Variants in FSD1L observed in about 807,000 individuals in gnomAD.
FSD1L encodes the protein fibronectin type III and SPRY domain containing 1 like, also known as FSD1-like protein.
In FSD1L, 45 loss-of-function variants were observed where a neutral mutation model predicts 71.6. The ratio of observed to expected loss-of-function variants is 0.63; its 90% CI spans 0.49 to 0.81. The LOEUF (loss-of-function observed/expected upper bound fraction) is 0.81. Among genes scored for constraint, FSD1L ranks in the 30% least tolerant of loss-of-function variants. The pLI is 0.00. For synonymous variants in FSD1L, 197 were observed against 207.2 expected, an observed-to-expected ratio of 0.95 and a Z score of 0.42; for missense variants, 561 against 618.1, an observed-to-expected ratio of 0.91 and a Z score of 0.98.
intron 7 of FSD1L, among the ~76,000 whole-genome samples, chr9:105,496,012 C>T (rs1306873894): frequency 1.3e-5 from 2 of 151,260 alleles, no homozygotes; most frequent in Non-Finnish European, 2.9e-5. Context: ...TAGTCCTTAT[C>T]AGATGTTTCT....
Position 105,448,186 on chromosome 9 carries a change from C to T in FSD1L, c.-35C>T. On this transcript the variant is annotated 5_prime_UTR_variant, in exon 1 of 14. Transcript: ENST00000481272. ...TGAGCCTCCTCACACGGTTCGTCGT[C>T]TCGGGTTCGAGCCCAGTGGGCTTAG... is the stretch of plus-strand genomic sequence containing the variant. The T allele has an allele frequency of 6.5e-7, 1 of 1,542,280 alleles. No individual in the cohort carries two copies.
chr9:105,538,693 T>G (rs1165682208), intron 12 of FSD1L, among the ~76,000 whole-genome samples: 3 of 152,100 alleles, frequency 2.0e-5, no homozygotes, highest in Non-Finnish European at 4.4e-5. Context: ...TCCTAGCACT[T>G]TGGGAGACTG....
chr9:105,499,182 A>G (rs1833615882), intron 7 of FSD1L, among the ~76,000 whole-genome samples: 1 of 152,188 alleles, frequency 6.6e-6, no homozygotes. Context: ...GAGTTCAACC[A>G]TGTACTTAGT....
rs140099704 is a variant in FSD1L at position 105,486,952 on chromosome 9, A to T, written c.586+2450A>T. On this transcript the variant is annotated intron_variant, in intron 7 of 13. Transcript: ENST00000481272. ...TGTAAAAGTGTCATCATATAGACAG[A>T]ATCATGTAATTGGTAATTTTTGGCG... Among the ~76,000 whole-genome samples, 374 of 152,310 alleles carry T rather than the reference A, an allele frequency of 2.5e-3. 3 individuals are homozygous for T. The highest frequency in any genetic ancestry group is 8.6e-3 in the African/African-American group (358 of 41,584).
At chr9:105,524,488 A>G (rs1835380479) in intron 10 of FSD1L, 2 of 1,613,684 alleles carry the variant, frequency 1.2e-6, no homozygotes, top group Non-Finnish European at 1.7e-6. Context: ...CAACCATTTC[A>G]TGCTACGGGA....
chr9:105,459,075 C>G (rs956617250), intron 1 of FSD1L, among the ~76,000 whole-genome samples: 5 of 152,190 alleles, frequency 3.3e-5, no homozygotes, highest in Non-Finnish European at 5.9e-5. Context: ...GGATTTGATG[C>G]CTGTTCAGCC....
upstream of FSD1L, chr9:105,447,878 AG>A (rs2131544935): frequency 2.4e-6 from 1 of 421,270 alleles, no homozygotes; most frequent in Admixed American, 4.7e-5. Context: ...CTATCGCTGG[AG>A]GAAAAAGGAT....
chr9:105,444,913 T>C (rs960651759), upstream of FSD1L, among the ~76,000 whole-genome samples: 1 of 152,224 alleles, frequency 6.6e-6, no homozygotes, highest in Non-Finnish European at 1.5e-5. Context: ...CCTGATTCAG[T>C]AGATCCAGGG....
intron 10 of FSD1L, chr9:105,513,688 A>T (rs1834531957): frequency 1.4e-5 from 19 of 1,353,094 alleles, no homozygotes; most frequent in Non-Finnish European, 1.8e-5. Flanking sequence ...TTGGCTGATT[A>T]AAAAAACTTT....
chr9:105,492,411 AG>A (rs1371245420), intron 7 of FSD1L, among the ~76,000 whole-genome samples: 1 of 152,058 alleles, frequency 6.6e-6, no homozygotes, highest in East Asian at 1.9e-4. Context: ...TAGTCTTGCT[AG>A]GAGTCTATCA....
intron 4 of FSD1L, among the ~76,000 whole-genome samples, chr9:105,470,171 G>C (rs1426274092): frequency 3.3e-5 from 5 of 151,998 alleles, no homozygotes. Context: ...AGTTTTGTAA[G>C]GTATTTTGAA....
At chr9:105,498,190 T>TTATTATTATTATTA (rs1554708757) in intron 7 of FSD1L, among the ~76,000 whole-genome samples, 16 of 143,436 alleles carry the variant, frequency 1.1e-4, no homozygotes, top group African/African-American at 4.1e-4. Flanking sequence ...TTGCTTTGGC[T>TTATTATTATTATTA]TTATTATTAT....
chr9:105,524,238 A>G, intron 10 of FSD1L: 2 of 1,612,290 alleles, frequency 1.2e-6, no homozygotes, highest in East Asian at 2.2e-5. Context: ...AAAGTTTACT[A>G]ATAAAACAGT....
chr9:105,464,227 TAATTC>T lies in FSD1L; in HGVS notation c.112-8_112-4del. 4 of 1,404,030 alleles carry T rather than the reference TAATTC, an allele frequency of 2.8e-6. No individual in the cohort carries two copies. The highest frequency in any genetic ancestry group is 3.9e-6 in the Non-Finnish European group (4 of 1,032,106). 87.0% of individuals were successfully genotyped at this position (1,404,030 alleles called of 1,614,324 possible). A position where few individuals can be genotyped will look rare whatever the true frequency, so the allele number is the denominator to read the frequency against. On this transcript the variant is annotated splice_region_variant and splice_polypyrimidine_tract_variant and intron_variant, in intron 2 of 13. Coordinates refer to ENST00000481272, the MANE Select transcript of FSD1L (RefSeq NM_001145313.3). ...AAATATAGTATTTTAATGCTTTTCT[TAATTC>T]TAGGAAGCTCTACAGAGGATCATTT...
upstream of FSD1L, among the ~76,000 whole-genome samples, chr9:105,443,223 C>T (rs761252827): frequency 5.3e-5 from 8 of 152,150 alleles, no homozygotes; most frequent in Admixed American, 1.3e-4. Context: ...TAATTTATAA[C>T]GAAAAAGAGG....
In FSD1L at chr9:105,546,510, C is replaced by A. The variant is rs557531644; in HGVS notation, c.*27C>A. 1.3e-6 allele frequency: 2 copies of A among 1,500,694 alleles called. No homozygotes were observed. 93.0% of individuals were successfully genotyped at this position (1,500,694 alleles called of 1,614,324 possible). A position where few individuals can be genotyped will look rare whatever the true frequency, so the allele number is the denominator to read the frequency against. On this transcript the variant is annotated 3_prime_UTR_variant, in exon 14 of 14. Coordinates refer to ENST00000481272, the MANE Select transcript of FSD1L (RefSeq NM_001145313.3). Reference sequence around the variant, plus strand: ...GTCTACTCAGAATACGTTTACCCTCCGTCTTGATTAGGTGGCCTTTTCTGT... The same window carrying A: ...GTCTACTCAGAATACGTTTACCCTCAGTCTTGATTAGGTGGCCTTTTCTGT...
rs111483469 is a variant in FSD1L, at chr9:105,522,998, C to T, written c.1025+10062C>T. 2,297 of 1,614,050 alleles carry T rather than the reference C, an allele frequency of 1.4e-3. 32 individuals carry two copies. In the African/African-American group the frequency reaches 0.028, roughly 19 times the overall value. ...CAGATAGTCATTCGGATTCTTTCAGCGCTTTCCAATATGATGGCCAAAAAT... is the reference window on the plus strand; with the variant it reads ...CAGATAGTCATTCGGATTCTTTCAGTGCTTTCCAATATGATGGCCAAAAAT... On this transcript the variant is annotated intron_variant, in intron 10 of 13. Coordinates refer to ENST00000481272, the MANE Select transcript of FSD1L (RefSeq NM_001145313.3).
chr9:105,543,251 ACTT>A (rs1222958817), intron 13 of FSD1L, among the ~76,000 whole-genome samples: 1 of 152,140 alleles, frequency 6.6e-6, no homozygotes, highest in African/African-American at 2.4e-5. Flanking sequence ...TACTTAAACA[ACTT>A]CTAGAATTTC....
chr9:105,521,893 TAAA>T, intron 10 of FSD1L: 1 of 1,612,336 alleles, frequency 6.2e-7, no homozygotes, highest in South Asian at 1.1e-5. Flanking sequence ...GCAAATGAAA[TAAA>T]AAATCTTCTG....
Sources: gnomAD v4.1 joint callset for allele counts (sites outside exome capture counted in the v4.1 genomes callset) on GRCh38, gnomAD v4.1.1 for gene constraint, MANE v1.5 for transcripts, NCBI Gene and HGNC (gene_info 2026-07-23, HGNC 2026-07-21) for gene names.